ARAP2: variants seen among roughly 807,000 people sequenced by gnomAD.
ARAP2 encodes the protein arf-GAP with Rho-GAP domain, ANK repeat and PH domain-containing protein 2.
In ARAP2, 148 loss-of-function variants were observed where a neutral mutation model predicts 194.5. The observed-to-expected ratio is 0.76, with a 90% CI of 0.67 to 0.87. The LOEUF (loss-of-function observed/expected upper bound fraction) is 0.87, where lower values mean the gene tolerates loss of function less well. ARAP2 is among the 40% of genes least tolerant of loss of function. The probability of loss-of-function intolerance (pLI) is 0.00; values close to 1 mark genes in which losing one functional copy is unlikely to be tolerated. For synonymous variants in ARAP2, 695 were observed against 683.5 expected (o/e 1.02, Z -0.26); for missense variants, 2,128 against 1,989.7 (o/e 1.07, Z -1.32).
At position 36,214,450 on chromosome 4, in the gene ARAP2, G is replaced by A; in HGVS notation, c.936C>T (p.Thr312=). The part of the protein sequence containing the change: ...SYFRERRNVA[T]STEKSVAWQN... ...GCCATGCCACAGATTTTTCAGTTGA[G>A]GTAGCAACATTTCTTCTTTCACGGA... Residue 312 remains threonine (T), a synonymous_variant, in exon 3 of 33, where the codon ACC becomes ACT. Coordinates refer to ENST00000303965, the MANE Select transcript of ARAP2 (RefSeq NM_015230.4). The A allele has an allele frequency of 1.9e-6, 3 of 1,592,048 alleles. No individual in the cohort carries two copies. Among genetic ancestry groups the A allele is most frequent in the Non-Finnish European group, 2.6e-6 (3 of 1,167,186 alleles).
intron 22 of ARAP2, among the ~76,000 whole-genome samples, chr4:36,121,901 T>C (rs1038919643): frequency 1.3e-5 from 2 of 151,756 alleles, no homozygotes; most frequent in Admixed American, 6.6e-5. Context: ...AATTACATTT[T>C]TCTTGGATAT....
chr4:36,194,029 C>T (rs1188038215), intron 6 of ARAP2, among the ~76,000 whole-genome samples: 1 of 151,934 alleles, frequency 6.6e-6, no homozygotes, highest in Non-Finnish European at 1.5e-5. Context: ...TTTTATTTTC[C>T]CTTGATTTTT....
chr4:36,053,366 T>G (rs1577671906), intron 2 of ARAP2, among the ~76,000 whole-genome samples: 1 of 152,104 alleles, frequency 6.6e-6, no homozygotes, highest in African/African-American at 2.4e-5. Flanking sequence ...CTATCTTAAG[T>G]GTACATTCCT....
chr4:36,128,085 G>A (rs937092201), intron 21 of ARAP2, among the ~76,000 whole-genome samples: 2 of 151,742 alleles, frequency 1.3e-5, no homozygotes, highest in African/African-American at 4.8e-5. Flanking sequence ...TGAAGCAAAA[G>A]TTAAAAAAAT....
chr4:36,100,734 A>G (rs1186673516), intron 27 of ARAP2, among the ~76,000 whole-genome samples: 1 of 151,960 alleles, frequency 6.6e-6, no homozygotes, highest in African/African-American at 2.4e-5. Context: ...ACTGCTTGAA[A>G]GTATGTTACT....
At chr4:36,233,935 G>T (rs1751973851) in intron 1 of ARAP2, among the ~76,000 whole-genome samples, 1 of 152,168 alleles carries the variant, frequency 6.6e-6, no homozygotes, top group African/African-American at 2.4e-5. Flanking sequence ...TTAGAGTGTT[G>T]TCCTAGTCCG....
chr4:36,149,548 T>C (rs1730447505), intron 16 of ARAP2, among the ~76,000 whole-genome samples: 1 of 152,216 alleles, frequency 6.6e-6, no homozygotes, highest in Admixed American at 6.5e-5. Context: ...TGTAGATACT[T>C]TCTCTCTGCA....
At chr4:36,047,028 C>T (rs1463529791) in intron 3 of ARAP2, 1 of 152,194 alleles carries the variant, frequency 6.6e-6, no homozygotes, top group Non-Finnish European at 1.5e-5. Context: ...TTTGCTGCAC[C>T]TTCAGAATGT....
chr4:36,083,489 A>AGGGAT (rs1233991427), intron 28 of ARAP2, 39 bp from the exon 29 acceptor site: 1 of 1,370,890 alleles, frequency 7.3e-7, no homozygotes, highest in Non-Finnish European at 1.0e-6. Context: ...AAATGGATTT[A>AGGGAT]CACATTTCCT....
intron 10 of ARAP2, chr4:36,006,696 T>C (rs1713344570): frequency 6.6e-6 from 1 of 152,152 alleles, no homozygotes; most frequent in Non-Finnish European, 1.5e-5. Context: ...ATCTGCTCTA[T>C]ATGAGAGTAG....
rs372079621 is a variant in ARAP2 at position 36,033,243 on chromosome 4, T to C, written n.607+12736A>G. 1.8e-4 allele frequency among the ~76,000 whole-genome samples: 27 copies of C among 152,180 alleles called. 1 individual carries two copies. The highest frequency in any genetic ancestry group is 1.3e-3 in the East Asian group (7 of 5,196). On this transcript the variant is annotated intron_variant and non_coding_transcript_variant, in intron 5 of 12. Coordinates refer to the ARAP2 transcript ENST00000503225. ...ATTTTGTTTTTAGCTCTTTGAGGAA[T>C]TGCCATTCTAACTATCAATAATGGT... is the stretch of plus-strand genomic sequence containing the variant.
At chr4:36,006,877 T>A (rs1271846182) in intron 10 of ARAP2, 1 of 151,886 alleles carries the variant, frequency 6.6e-6, no homozygotes, top group Non-Finnish European at 1.5e-5. Flanking sequence ...AGATAACAAA[T>A]AAAATTTTTA....
chr4:36,210,787 A>G (rs1447306144), intron 5 of ARAP2, 44 bp from the exon 6 acceptor site: 8 of 1,342,852 alleles, frequency 6.0e-6, no homozygotes, highest in Non-Finnish European at 8.1e-6. Flanking sequence ...GCTATATGTG[A>G]TTTAAGACAT....
At chr4:36,025,690 A>T (rs1163500882) in intron 5 of ARAP2, among the ~76,000 whole-genome samples, 2 of 152,164 alleles carry the variant, frequency 1.3e-5, no homozygotes, top group Admixed American at 1.3e-4. Flanking sequence ...AAGAAAAAAA[A>T]AAAACCTTGA....
At chr4:36,121,089 T>C (rs1722566244) in intron 23 of ARAP2, 90 bp downstream of exon 23, 1 of 953,448 alleles carries the variant, frequency 1.0e-6, no homozygotes. Context: ...TGAATAAAGA[T>C]CTGAATAATA....
chr4:36,092,724 T>G (rs922152891), intron 27 of ARAP2, among the ~76,000 whole-genome samples: 2 of 152,212 alleles, frequency 1.3e-5, no homozygotes, highest in Admixed American at 6.5e-5. Flanking sequence ...TAATTTTACC[T>G]GTTTCTTTTT....
intron 6 of ARAP2, among the ~76,000 whole-genome samples, chr4:36,016,704 T>C (rs1350729707): frequency 6.6e-6 from 1 of 152,188 alleles, no homozygotes; most frequent in Non-Finnish European, 1.5e-5. Context: ...ACCATGATCA[T>C]GCGTTACGTT....
At chr4:36,198,101 G>A (rs118164358) in intron 6 of ARAP2, among the ~76,000 whole-genome samples, 2,005 of 152,308 alleles carry the variant, frequency 0.013, 115 homozygotes, top group Admixed American at 0.1. Context: ...TGGAGGGTGA[G>A]CAAGGCGAAG....
chr4:36,157,063 A>C (rs1017181995), intron 15 of ARAP2, among the ~76,000 whole-genome samples: 6 of 152,196 alleles, frequency 3.9e-5, no homozygotes, highest in Admixed American at 6.5e-5. Context: ...TAATTTTATA[A>C]ATATTATAAC....
Sources: allele counts gnomAD v4.1 joint callset (sites outside exome capture counted in the v4.1 genomes callset), GRCh38; gene constraint gnomAD v4.1.1; transcripts MANE v1.5; gene names NCBI Gene and HGNC (gene_info 2026-07-23, HGNC 2026-07-21).